ADARB2: variants seen among roughly 807,000 people sequenced by gnomAD.
The protein encoded by ADARB2 is inactive double-stranded RNA-specific editase B2.
Under a neutral mutation model 62.2 loss-of-function variants are expected in ADARB2, and 25 were observed. The ratio of observed to expected loss-of-function variants is 0.40; its 90% CI spans 0.29 to 0.56. ADARB2 has a LOEUF of 0.56. Among genes scored for constraint, ADARB2 ranks in the 20% least tolerant of loss-of-function variants. The pLI is 0.43. For missense variants in ADARB2, 1,071 were observed against 1,077.4 expected (o/e 0.99, Z 0.08); for synonymous variants, 572 against 500.8 (o/e 1.14, Z -1.90).
At chr10:1,486,023 CT>C (rs1831539274) in intron 1 of ADARB2, among the ~76,000 whole-genome samples, 1 of 152,112 alleles carries the variant, frequency 6.6e-6, no homozygotes, top group South Asian at 2.1e-4. Flanking sequence ...CTCTGAGGTG[CT>C]GTATTTCTGG....
chr10:1,462,582 T>C (rs1831189649), intron 1 of ADARB2, among the ~76,000 whole-genome samples: 1 of 152,062 alleles, frequency 6.6e-6, no homozygotes, highest in East Asian at 1.9e-4. Flanking sequence ...CCTGTGTGTA[T>C]GTACATGAGT....
chr10:1,599,088 A>C (rs1032088067), intron 1 of ADARB2, among the ~76,000 whole-genome samples: 1 of 152,220 alleles, frequency 6.6e-6, no homozygotes, highest in Admixed American at 6.5e-5. Context: ...TAATTGATAA[A>C]TTGAGAAAGT....
intron 6 of ADARB2, among the ~76,000 whole-genome samples, chr10:1,225,727 C>T (rs11250347): frequency 0.37 from 46,940 of 127,700 alleles, 11,176 homozygotes; most frequent in South Asian, 0.69. Flanking sequence ...TTAAGAATGT[C>T]GAATGTTGGT....
chr10:1,477,475 T>C lies in ADARB2; in HGVS notation c.101-98315A>G, dbSNP rs747036790. On this transcript the variant is annotated intron_variant, in intron 1 of 9. Coordinates refer to ENST00000381312, the MANE Select transcript of ADARB2 (RefSeq NM_018702.4). The surrounding 1 kb of genome is among the most constrained non-coding windows in gnomAD (Gnocchi z 4.5). ...GGCCCCTTTTCTGCTGTGCTGCCCA[T>C]TGCTTTCTTGCAACGTATCTTCGTG... 6.6e-6 allele frequency among the ~76,000 whole-genome samples: 1 copy of C among 152,152 alleles called. No individual in the cohort carries two copies. Among genetic ancestry groups the C allele is most frequent in the Non-Finnish European group, 1.5e-5 (1 of 68,020 alleles).
intron 6 of ADARB2, among the ~76,000 whole-genome samples, chr10:1,227,425 G>C (rs960547107): frequency 2.6e-5 from 4 of 152,182 alleles, no homozygotes; most frequent in Non-Finnish European, 4.4e-5. Context: ...TGCACCTACT[G>C]TCTGGCACTC....
chr10:1,381,047 T>C, intron 1 of ADARB2, among the ~76,000 whole-genome samples: 1 of 152,250 alleles, frequency 6.6e-6, no homozygotes, highest in East Asian at 1.9e-4. Flanking sequence ...CTGATGTTGT[T>C]AGATTTATCA....
intron 1 of ADARB2, among the ~76,000 whole-genome samples, chr10:1,420,748 CAGG>C (rs1331046365): frequency 2.0e-5 from 3 of 152,112 alleles, no homozygotes; most frequent in Non-Finnish European, 2.9e-5. Context: ...GGCACAGAAG[CAGG>C]AGAAGATGTA....
rs1233008405 is a variant in ADARB2 at position 1,398,908 on chromosome 10, T to C, written c.101-19748A>G. ...TTTGGGGTCTTGATGGGTAGAGTGG[T>C]TTGCCAGAGAACCACCGAAGAGCCT... On this transcript the variant is annotated intron_variant, in intron 1 of 9. Transcript: ENST00000381312. The surrounding 1 kb of genome is among the most constrained non-coding windows in gnomAD (Gnocchi z 4.1). 6.6e-6 allele frequency among the ~76,000 whole-genome samples: 1 copy of C among 152,052 alleles called. No homozygotes were observed. The highest frequency in any genetic ancestry group is 1.5e-5 in the Non-Finnish European group (1 of 68,000).
At position 1,262,007 on chromosome 10, in the gene ADARB2, T is replaced by A. The variant is rs865830513; in HGVS notation, c.1192+8948A>T. On this transcript the variant is annotated intron_variant, in intron 4 of 9. Coordinates refer to ENST00000381312, the MANE Select transcript of ADARB2 (RefSeq NM_018702.4). ...GTCCTTTGTAGGGACATGGATGAAA[T>A]TGGAAATCATCATTCTCAGTAAACT... is the stretch of plus-strand genomic sequence containing the variant. Among the ~76,000 whole-genome samples the A allele has an allele frequency of 1.8e-4, 27 of 147,332 alleles. 1 individual carries two copies. The highest frequency in any genetic ancestry group is 7.4e-4 in the Admixed American group (11 of 14,918).
At chr10:1,466,008 A>C (rs1003188998) in intron 1 of ADARB2, among the ~76,000 whole-genome samples, 3 of 152,198 alleles carry the variant, frequency 2.0e-5, no homozygotes, top group African/African-American at 4.8e-5. Flanking sequence ...TGTCTCTTTA[A>C]ATTCTTTTAA....
intron 1 of ADARB2, among the ~76,000 whole-genome samples, chr10:1,683,439 C>A (rs1370702628): frequency 1.3e-5 from 2 of 152,150 alleles, no homozygotes; most frequent in African/African-American, 4.8e-5. Context: ...GTAGTGAGCT[C>A]GAAAGATTTT....
At chr10:1,189,980 T>C (rs369577534) in intron 8 of ADARB2, among the ~76,000 whole-genome samples, 1 of 151,870 alleles carries the variant, frequency 6.6e-6, no homozygotes, top group African/African-American at 2.4e-5. Context: ...ACAAAATGTC[T>C]CCTGGAGGGG....
At chr10:1,509,205 A>C (rs1831891698) in intron 1 of ADARB2, among the ~76,000 whole-genome samples, 1 of 152,176 alleles carries the variant, frequency 6.6e-6, no homozygotes. Context: ...TAAAATGATC[A>C]ATCTCTTTGA....
chr10:1,580,503 C>CTTTTTT (rs11376658), intron 1 of ADARB2, among the ~76,000 whole-genome samples: 1 of 144,826 alleles, frequency 6.9e-6, no homozygotes, highest in Non-Finnish European at 1.5e-5. Flanking sequence ...TGTCTTAAGG[C>CTTTTTT]TTTTTTTTTT....
chr10:1,376,376 C>T (rs1217784539), intron 2 of ADARB2, among the ~76,000 whole-genome samples: 2 of 152,198 alleles, frequency 1.3e-5, no homozygotes, highest in Non-Finnish European at 2.9e-5. Flanking sequence ...AGCATGGAGG[C>T]TCTGAGAGTT....
In ADARB2 at chr10:1,332,428, A is replaced by AAT. The variant is rs1554754777; in HGVS notation, c.1077+30599_1077+30600insAT. Among the ~76,000 whole-genome samples the AAT allele has an allele frequency of 1.0e-3, 147 of 146,416 alleles. 4 individuals carry two copies. Among genetic ancestry groups the AAT allele is most frequent in the Non-Finnish European group, 7.6e-4 (51 of 67,190 alleles). On this transcript the variant is annotated intron_variant, in intron 3 of 9. Transcript: ENST00000381312. Reference sequence around the variant, plus strand: ...GAGACCTTGTCTCAGAAAAAAAAAAAAAATAAATAAAAAATAAAAGAGTAG... The same window carrying AAT: ...GAGACCTTGTCTCAGAAAAAAAAAAAATAAATAAATAAAAAATAAAAGAGTAG...
intron 1 of ADARB2, among the ~76,000 whole-genome samples, chr10:1,420,389 T>C (rs1391742036): frequency 6.6e-6 from 1 of 152,144 alleles, no homozygotes; most frequent in Non-Finnish European, 1.5e-5. Context: ...TATGATCAGA[T>C]CCTTCATCAT....
chr10:1,725,867 C>T (rs1835157765), intron 1 of ADARB2, among the ~76,000 whole-genome samples: 1 of 152,222 alleles, frequency 6.6e-6, no homozygotes, highest in Non-Finnish European at 1.5e-5. Flanking sequence ...GGGAGAGAGG[C>T]ATGAAGGCCA....
intron 1 of ADARB2, among the ~76,000 whole-genome samples, chr10:1,446,524 A>G (rs962168404): frequency 6.6e-6 from 1 of 152,136 alleles, no homozygotes; most frequent in Admixed American, 6.5e-5. Flanking sequence ...ATGAGTGCTG[A>G]GGTCAGGGCT....
Sources: gnomAD v4.1 joint callset for allele counts (sites outside exome capture counted in the v4.1 genomes callset) on GRCh38, gnomAD v4.1.1 for gene constraint, Gnocchi (gnomAD v3.1) non-coding constraint, MANE v1.5 for transcripts, NCBI Gene and HGNC (gene_info 2026-07-23, HGNC 2026-07-21) for gene names.